The following MYCBP2 variants were observed in gnomAD, a reference collection of about 807,000 sequenced individuals.
MYCBP2 encodes MYC binding protein 2.
MYCBP2 carries 120 observed loss-of-function variants against 525.3 expected under a neutral mutation model. That is an observed-to-expected ratio of 0.23 (90% CI 0.20 to 0.27). MYCBP2 has a LOEUF of 0.27. Among genes scored for constraint, MYCBP2 ranks in the 10% least tolerant of loss-of-function variants. The pLI is 1.00. For missense variants in MYCBP2, 4,149 were observed against 5,657.1 expected, an observed-to-expected ratio of 0.73 and a Z score of 8.55; for synonymous variants, 1,894 against 1,955.8, an observed-to-expected ratio of 0.97 and a Z score of 0.83.
rs1268543794 is a variant in MYCBP2, at chr13:77,295,465, T to C, written c.378+1134A>G. Among the ~76,000 whole-genome samples the C allele has an allele frequency of 2.0e-5, 3 of 152,266 alleles. No individual in the cohort carries two copies. In the East Asian group the frequency reaches 5.8e-4, roughly 29 times the overall value. On this transcript the variant is annotated intron_variant, in intron 2 of 82. Transcript: ENST00000544440. ...CATTTCATCCCCGGATCCATCTGTG[T>C]CTCAAGATAGAGCCACCAAATAAAT...
At chr13:77,144,613 ACAT>A in intron 48 of MYCBP2, 53 bp from the exon 49 acceptor site, 3 of 1,142,460 alleles carry the variant, frequency 2.6e-6, no homozygotes, top group Non-Finnish European at 2.7e-6. Context: ...TAAGCAGTCA[ACAT>A]CATTACGATA....
At chr13:77,110,536 T>C (rs1039067995) in intron 55 of MYCBP2, among the ~76,000 whole-genome samples, 2 of 152,194 alleles carry the variant, frequency 1.3e-5, no homozygotes, top group Non-Finnish European at 1.5e-5. Flanking sequence ...CTTTGCCTTG[T>C]GATCTTTTTG....
Position 77,257,735 on chromosome 13 carries a change from T to C in MYCBP2, c.2112A>G (p.Thr704=). ...ACTGTCCTTTATTATTTACACCAAA[T>C]GTCCACACCTCTCCATTCTTCATTA... The part of the protein sequence containing the change: ...CVLMKNGEVW[T]FGVNNKGQCG... The change falls in exon 14 of 83, where the codon ACA becomes ACG. Residue 704 remains threonine, a synonymous_variant. Coordinates refer to ENST00000544440, the MANE Select transcript of MYCBP2 (RefSeq NM_015057.5). 1 of 1,613,228 alleles carries C rather than the reference T, an allele frequency of 6.2e-7. No individual in the cohort carries two copies. The highest frequency in any genetic ancestry group is 8.5e-7 in the Non-Finnish European group (1 of 1,179,654).
At chr13:77,071,028 T>C (rs2041126837) in intron 68 of MYCBP2, among the ~76,000 whole-genome samples, 1 of 152,118 alleles carries the variant, frequency 6.6e-6, no homozygotes, top group Non-Finnish European at 1.5e-5. Flanking sequence ...CACATTTAAT[T>C]GTTTGAAGAA....
intron 49 of MYCBP2, 93 bp downstream of exon 49, chr13:77,144,352 T>C: frequency 2.5e-6 from 2 of 810,656 alleles, no homozygotes; most frequent in Non-Finnish European, 4.2e-6. Flanking sequence ...TCCATATGTC[T>C]AGTGCAAGTT....
At chr13:77,183,522 A>C (rs2060413023) in intron 32 of MYCBP2, among the ~76,000 whole-genome samples, 1 of 122,622 alleles carries the variant, frequency 8.2e-6, no homozygotes, top group Non-Finnish European at 1.7e-5. Context: ...AAAGTTGTTT[A>C]TAGTGATAGT....
intron 2 of MYCBP2, among the ~76,000 whole-genome samples, chr13:77,291,168 T>A (rs1385036723): frequency 6.6e-6 from 1 of 152,114 alleles, no homozygotes; most frequent in Admixed American, 6.6e-5. Flanking sequence ...TTAGAATATA[T>A]GAGAAACTCT....
At chr13:77,239,150 A>C (rs749295739) in intron 17 of MYCBP2, among the ~76,000 whole-genome samples, 2 of 152,216 alleles carry the variant, frequency 1.3e-5, no homozygotes, top group Non-Finnish European at 2.9e-5. Context: ...CAGAGTTCTG[A>C]TCATCTATGA....
intron 29 of MYCBP2, among the ~76,000 whole-genome samples, chr13:77,189,367 T>C (rs1230889804): frequency 6.6e-6 from 1 of 152,176 alleles, no homozygotes; most frequent in Non-Finnish European, 1.5e-5. Flanking sequence ...TATTTAAAAG[T>C]TATTCAACCA....
At position 77,068,771 on chromosome 13, in the gene MYCBP2, C is replaced by A; in HGVS notation, c.11965G>T (p.Glu3989Ter). Reference protein sequence around the residue: ...MEATRVREEWEHAISSKENAN... With the variant: ...MEATRVREEW ...TTTTCTTTGCTTGATATAGCATGTTCCCATTCTTCACGGACTCTGGTAGCT... is the reference window on the plus strand; with the variant it reads ...TTTTCTTTGCTTGATATAGCATGTTACCATTCTTCACGGACTCTGGTAGCT... Residue 3989 changes from glutamate (E) to a stop codon, truncating the protein, a stop_gained, in exon 70 of 83, where the codon GAA becomes TAA. Coordinates refer to ENST00000544440, the MANE Select transcript of MYCBP2 (RefSeq NM_015057.5). LOFTEE classifies it high-confidence loss of function. 1 of 1,614,128 alleles carries A rather than the reference C, an allele frequency of 6.2e-7. No individual in the cohort carries two copies. Among genetic ancestry groups the A allele is most frequent in the Non-Finnish European group, 8.5e-7 (1 of 1,180,008 alleles).
Position 77,090,369 on chromosome 13 carries a change from A to G in MYCBP2, c.10368-106T>C, listed in dbSNP as rs530555947. The G allele has an allele frequency of 5.5e-6, 5 of 913,588 alleles. No homozygotes were observed. The East Asian group carries it at 1.4e-4, about 26-fold the overall frequency. 56.6% of individuals were successfully genotyped at this position (913,588 alleles called of 1,614,324 possible). ...GTGACTCAATATTTCATGTGGAGAA[A>G]CAAAATCAAAGCCAAATTGATAATC... On this transcript the variant is annotated intron_variant, in intron 59 of 82. Coordinates refer to ENST00000544440, the MANE Select transcript of MYCBP2 (RefSeq NM_015057.5).
rs1471856266 is a variant in MYCBP2 at position 77,098,691 on chromosome 13, A to G, written c.8463T>C (p.Ser2821=). Residue 2821 remains serine (S), a synonymous_variant, in exon 56 of 83, where the codon TCT becomes TCC. Transcript: ENST00000544440. ...ESPGPGSRLS[S]PKPKTLPANR... ...TGGCTGGGAGAGTCTTTGGCTTAGG[A>G]GATGACAACCGAGAACCTGGTCCTG... The G allele has an allele frequency of 6.2e-7, 1 of 1,613,500 alleles. No individual in the cohort carries two copies. The highest frequency in any genetic ancestry group is 8.5e-7 in the Non-Finnish European group (1 of 1,179,764).
chr13:77,283,553 C>G (rs1182245567), intron 3 of MYCBP2, among the ~76,000 whole-genome samples: 1 of 152,132 alleles, frequency 6.6e-6, no homozygotes, highest in East Asian at 1.9e-4. Flanking sequence ...TGTGGCATGA[C>G]TGGCTTCAAA....
chr13:77,224,451 C>A lies in MYCBP2; in HGVS notation c.2939G>T (p.Arg980Met). Residue 980 changes from arginine to methionine, a missense_variant and splice_region_variant, in exon 20 of 83, where the codon AGG becomes ATG. Arg to Met is a moderately conservative substitution (Grantham distance 91, BLOSUM62 -1). Transcript: ENST00000544440. Reference protein sequence around the residue: ...GQLGHGDVNSRGCPTLVQALP... With the variant: ...GQLGHGDVNSMGCPTLVQALP... ...CTTCAAATGAAAAGTTAGCAAGTAC[C>A]TGGAGTTGACATCTCCATGTCCTAG... 1.3e-6 allele frequency: 2 copies of A among 1,586,806 alleles called. No individual in the cohort carries two copies. Among genetic ancestry groups the A allele is most frequent in the African/African-American group, 1.3e-5 (1 of 74,372 alleles).
chr13:77,095,514 G>C lies in MYCBP2; in HGVS notation c.10043C>G (p.Ala3348Gly). The C allele has an allele frequency of 6.2e-7, 1 of 1,613,616 alleles. No individual in the cohort carries two copies. Among genetic ancestry groups the C allele is most frequent in the African/African-American group, 1.3e-5 (1 of 75,004 alleles). The change falls in exon 58 of 83, where the codon GCA becomes GGA. Residue 3348 changes from alanine to glycine, a missense_variant. Ala to Gly is a moderately conservative substitution (Grantham distance 60). Coordinates refer to ENST00000544440, the MANE Select transcript of MYCBP2 (RefSeq NM_015057.5). ...ACTGCTCAGGGACAGCAGGAAGAGT[G>C]CATTGGCTTTAATCACCTGGTGAGC... ...MEAHQVIKAN[A>G]LFLLSLSSAA... is the part of the protein sequence containing the mutation.
Position 77,321,473 on chromosome 13 carries a change from C to T in MYCBP2, c.302+5001G>A, listed in dbSNP as rs1031367027. On this transcript the variant is annotated intron_variant, in intron 1 of 82. Coordinates refer to ENST00000544440, the MANE Select transcript of MYCBP2 (RefSeq NM_015057.5). ...CCTGACATATTCCTACAATAAATAA[C>T]GTCTCTTCATAGCTTAAAACCATCA... is the stretch of plus-strand genomic sequence containing the variant. Among the ~76,000 whole-genome samples, 7 of 152,212 alleles carry T rather than the reference C, an allele frequency of 4.6e-5. No individual in the cohort carries two copies. The East Asian group carries it at 7.7e-4, about 17-fold the overall frequency.
chr13:77,183,844 G>A (rs559825416), intron 32 of MYCBP2, among the ~76,000 whole-genome samples: 5 of 151,932 alleles, frequency 3.3e-5, no homozygotes, highest in South Asian at 2.1e-4. Flanking sequence ...CACCGTGCCC[G>A]GTGAACCCCT....
intron 13 of MYCBP2, 120 bp from the exon 14 acceptor site, chr13:77,257,949 A>G: frequency 1.3e-6 from 1 of 744,156 alleles, no homozygotes; most frequent in Non-Finnish European, 2.0e-6. Context: ...AAAATGAGAA[A>G]TAAGTAGCCA....
intron 5 of MYCBP2, among the ~76,000 whole-genome samples, chr13:77,271,484 C>T (rs2154345332): frequency 6.6e-6 from 1 of 152,250 alleles, no homozygotes; most frequent in South Asian, 2.1e-4. Context: ...GTTACACATA[C>T]TCATATGGTT....
Sources: gnomAD v4.1 joint callset for allele counts (sites outside exome capture counted in the v4.1 genomes callset) on GRCh38, gnomAD v4.1.1 for gene constraint, MANE v1.5 for transcripts, NCBI Gene and HGNC (gene_info 2026-07-23, HGNC 2026-07-21) for gene names.